Variants in C14orf132 observed in about 807,000 individuals in gnomAD.
C14orf132 encodes chromosome 14 open reading frame 132, also known as uncharacterized protein C14orf132.
Under a neutral mutation model 5.8 loss-of-function variants are expected in C14orf132, and 6 were observed. The observed-to-expected ratio is 1.03, with a 90% CI of 0.57 to 2.04. The LOEUF is 2.04. Among genes scored for constraint, C14orf132 ranks in the 30% most tolerant of loss-of-function variants. The probability of loss-of-function intolerance (pLI) is 0.00; values close to 1 mark genes in which losing one functional copy is unlikely to be tolerated. For synonymous variants in C14orf132, 51 were observed against 49.8 expected, an observed-to-expected ratio of 1.02 and a Z score of -0.10; for missense variants, 125 against 115.8, an observed-to-expected ratio of 1.08 and a Z score of -0.37.
intron 1 of C14orf132, among the ~76,000 whole-genome samples, chr14:96,067,661 T>G (rs1050976330): frequency 6.6e-6 from 1 of 151,248 alleles, no homozygotes; most frequent in Non-Finnish European, 1.5e-5. Context: ...ATCAGGCCAT[T>G]GCACTCCAGT....
intron 1 of C14orf132, among the ~76,000 whole-genome samples, chr14:96,085,040 A>G (rs1192301377): frequency 2.6e-5 from 4 of 152,176 alleles, no homozygotes; most frequent in Admixed American, 2.0e-4. Context: ...CAGAGCCGGG[A>G]GTGCCTGGGC....
intron 1 of C14orf132, among the ~76,000 whole-genome samples, chr14:96,046,720 A>G (rs1886840296): frequency 6.6e-6 from 1 of 152,220 alleles, no homozygotes; most frequent in Admixed American, 6.5e-5. Flanking sequence ...CTACATGTGT[A>G]TCTAATCACA....
rs1888306688 is a variant in C14orf132 at position 96,089,292 on chromosome 14, A to G, written c.*2557A>G. ...TGCTTAAGTTTTGTGTCCAGGTGCC[A>G]CTAGACTTGCATGCACACTAACTCC... On this transcript the variant is annotated 3_prime_UTR_variant, in exon 2 of 2. Coordinates refer to ENST00000555004, the MANE Select transcript of C14orf132 (RefSeq NM_001252507.3). The G allele has an allele frequency of 6.6e-6, 1 of 152,336 alleles. No individual in the cohort carries two copies. Among genetic ancestry groups the G allele is most frequent in the African/African-American group, 2.4e-5 (1 of 41,458 alleles). 9.4% of individuals were successfully genotyped at this position (152,336 alleles called of 1,614,324 possible). A position where few individuals can be genotyped will look rare whatever the true frequency, so the allele number is the denominator to read the frequency against.
intron 1 of C14orf132, among the ~76,000 whole-genome samples, chr14:96,063,286 A>T (rs1887419015): frequency 6.6e-6 from 1 of 152,094 alleles, no homozygotes; most frequent in Non-Finnish European, 1.5e-5. Flanking sequence ...CCACCCAAGG[A>T]ACAGGACTGT....
intron 1 of C14orf132, among the ~76,000 whole-genome samples, chr14:96,084,372 C>T (rs1392268696): frequency 6.6e-6 from 1 of 152,132 alleles, no homozygotes; most frequent in Non-Finnish European, 1.5e-5. Context: ...GCCTGCTTTC[C>T]AAGAGGCCAC....
At position 96,090,823 on chromosome 14, in the gene C14orf132, G is replaced by C; in HGVS notation, c.*4088G>C. Reference sequence around the variant, plus strand: ...TGGCGTCTCCTGAAGTGGGTCCCTGGAGACCGAAGAGGCTCAGTGGAGTCT... The same window carrying C: ...TGGCGTCTCCTGAAGTGGGTCCCTGCAGACCGAAGAGGCTCAGTGGAGTCT... On this transcript the variant is annotated 3_prime_UTR_variant, in exon 2 of 2. Transcript: ENST00000555004. 1 of 456,116 alleles carries C rather than the reference G, an allele frequency of 2.2e-6. No individual in the cohort carries two copies. The highest frequency in any genetic ancestry group is 6.9e-5 in the East Asian group (1 of 14,396). The allele number at this position is 456,116 out of a possible 1,614,324, so 28.3% of individuals were successfully genotyped here. A position where few individuals can be genotyped will look rare whatever the true frequency, so the allele number is the denominator to read the frequency against.
intron 1 of C14orf132, among the ~76,000 whole-genome samples, chr14:96,074,567 C>T (rs1439413929): frequency 2.1e-5 from 3 of 145,694 alleles, no homozygotes; most frequent in Non-Finnish European, 3.0e-5. Flanking sequence ...TTTTTTGCTG[C>T]AGCTGTTTTG....
At chr14:96,048,675 G>C (rs1464262959) in intron 1 of C14orf132, among the ~76,000 whole-genome samples, 1 of 151,934 alleles carries the variant, frequency 6.6e-6, no homozygotes, top group Non-Finnish European at 1.5e-5. Context: ...ACAGGTGCAT[G>C]CCACCATACC....
chr14:96,053,225 C>T (rs1887080464), intron 1 of C14orf132, among the ~76,000 whole-genome samples: 1 of 152,214 alleles, frequency 6.6e-6, no homozygotes, highest in Admixed American at 6.5e-5. Context: ...CCACACCTTT[C>T]CCCGGCCCAT....
In C14orf132 at chr14:96,070,596, T is replaced by TCTCTCA. The variant is rs755530241; in HGVS notation, c.28-15914_28-15913insTCTCAC. On this transcript the variant is annotated intron_variant, in intron 1 of 1. Coordinates refer to ENST00000555004, the MANE Select transcript of C14orf132 (RefSeq NM_001252507.3). ...GGTAGATGAAGTCTCTCTCTCTCTC[T>TCTCTCA]CACACACACACACACACACACACAC... 0.015 allele frequency among the ~76,000 whole-genome samples: 2,131 copies of TCTCTCA among 142,614 alleles called. 140 individuals carry two copies. The East Asian group carries it at 0.22, about 15-fold the overall frequency. The allele number at this position is 142,614 out of a possible 152,430, so 93.6% of individuals were successfully genotyped here. A position where few individuals can be genotyped will look rare whatever the true frequency, so the allele number is the denominator to read the frequency against.
At chr14:96,058,872 C>A (rs1015973673) in intron 1 of C14orf132, among the ~76,000 whole-genome samples, 34 of 152,362 alleles carry the variant, frequency 2.2e-4, no homozygotes, top group African/African-American at 7.9e-4. Context: ...GCCCAAGGGG[C>A]TTTGATTCCC....
In C14orf132 at chr14:96,093,318, T is replaced by A. The variant is rs976426917; in HGVS notation, c.*6583T>A. 1 of 152,192 alleles carries A rather than the reference T, an allele frequency of 6.6e-6. No individual in the cohort carries two copies. The highest frequency in any genetic ancestry group is 1.5e-5 in the Non-Finnish European group (1 of 68,038). The allele number at this position is 152,192 out of a possible 1,614,324, so 9.4% of individuals were successfully genotyped here. On this transcript the variant is annotated 3_prime_UTR_variant, in exon 2 of 2. Transcript: ENST00000555004. Reference sequence around the variant, plus strand: ...CCCTTAACTTTGTGTCTCTGGGACCTCCAGGGACCTGGCCCCTCACCAATG... The same window carrying A: ...CCCTTAACTTTGTGTCTCTGGGACCACCAGGGACCTGGCCCCTCACCAATG...
chr14:96,061,177 C>G (rs1439821991), intron 1 of C14orf132, among the ~76,000 whole-genome samples: 1 of 152,092 alleles, frequency 6.6e-6, no homozygotes, highest in Non-Finnish European at 1.5e-5. Context: ...CTCAAGAAGT[C>G]CTCACAGCAC....
chr14:96,086,014 A>G (rs1427922310), intron 1 of C14orf132, among the ~76,000 whole-genome samples: 1 of 151,752 alleles, frequency 6.6e-6, no homozygotes, highest in Non-Finnish European at 1.5e-5. Context: ...ACACACACAC[A>G]GAGGAAAAAA....
rs1046837941 is a variant in C14orf132, at chr14:96,080,470, A to G, written c.28-6041A>G. On this transcript the variant is annotated intron_variant, in intron 1 of 1. Transcript: ENST00000555004. Reference sequence around the variant, plus strand: ...GAGGGTCTGGTGGCCCCCGTATCACAAGCCATCACAATCACCCTTCTATTG... The same window carrying G: ...GAGGGTCTGGTGGCCCCCGTATCACGAGCCATCACAATCACCCTTCTATTG... Among the ~76,000 whole-genome samples, 3 of 152,222 alleles carry G rather than the reference A, an allele frequency of 2.0e-5. No individual in the cohort carries two copies. In the South Asian group the frequency reaches 6.2e-4, roughly 32 times the overall value.
At chr14:96,077,910 G>T (rs888785007) in intron 1 of C14orf132, among the ~76,000 whole-genome samples, 18 of 152,222 alleles carry the variant, frequency 1.2e-4, no homozygotes, top group African/African-American at 4.3e-4. Flanking sequence ...TCTCTTTTGT[G>T]CATGCAGTTT....
At chr14:96,085,603 G>A (rs1198724977) in intron 1 of C14orf132, among the ~76,000 whole-genome samples, 2 of 152,188 alleles carry the variant, frequency 1.3e-5, no homozygotes, top group Non-Finnish European at 2.9e-5. Flanking sequence ...GTGCGGCGTG[G>A]GCGGTGGGAA....
At chr14:96,075,549 G>A (rs1887837333) in intron 1 of C14orf132, among the ~76,000 whole-genome samples, 1 of 152,122 alleles carries the variant, frequency 6.6e-6, no homozygotes, top group African/African-American at 2.4e-5. Flanking sequence ...GTTAGCTATA[G>A]GTTGTTTGGT....
chr14:96,073,130 T>A (rs1887759337), intron 1 of C14orf132, among the ~76,000 whole-genome samples: 1 of 150,272 alleles, frequency 6.7e-6, no homozygotes, highest in Admixed American at 6.6e-5. Context: ...CAATTTCTCA[T>A]CAGAAATTAG....
Sources: gnomAD v4.1 joint callset for allele counts (sites outside exome capture counted in the v4.1 genomes callset) on GRCh38, gnomAD v4.1.1 for gene constraint, MANE v1.5 for transcripts, NCBI Gene and HGNC (gene_info 2026-07-23, HGNC 2026-07-21) for gene names.